OPCML: variants seen among roughly 807,000 people sequenced by gnomAD.
OPCML encodes opioid binding protein/cell adhesion molecule like, also known as opioid-binding protein/cell adhesion molecule.
OPCML carries 13 observed loss-of-function variants against 37.8 expected under a neutral mutation model. That is an observed-to-expected ratio of 0.34 (90% CI 0.22 to 0.55). OPCML has a LOEUF of 0.55. OPCML is among the 20% of genes least tolerant of loss of function. OPCML has a pLI of 0.91. For synonymous variants in OPCML, 176 were observed against 168.8 expected (o/e 1.04, Z -0.33); for missense variants, 341 against 435.6 (o/e 0.78, Z 1.93).
intron 1 of OPCML, among the ~76,000 whole-genome samples, chr11:133,451,697 G>C (rs140935784): frequency 2.0e-5 from 3 of 151,338 alleles, no homozygotes; most frequent in Non-Finnish European, 4.4e-5. Context: ...ACAAAAATTC[G>C]CTGGGTGTGG....
intron 4 of OPCML, among the ~76,000 whole-genome samples, chr11:132,497,350 C>G (rs1361626785): frequency 6.9e-6 from 1 of 145,140 alleles, no homozygotes; most frequent in Non-Finnish European, 1.5e-5. Context: ...CCATGGCACA[C>G]ATTTACCTAT....
chr11:133,467,143 G>T (rs1465313624), intron 1 of OPCML, among the ~76,000 whole-genome samples: 2 of 152,172 alleles, frequency 1.3e-5, no homozygotes, highest in African/African-American at 4.8e-5. Context: ...GGCATTCCCA[G>T]TGCCCCCCTA....
At chr11:133,156,010 A>AC (rs1950057427) in intron 1 of OPCML, among the ~76,000 whole-genome samples, 1 of 152,180 alleles carries the variant, frequency 6.6e-6, no homozygotes, top group Non-Finnish European at 1.5e-5. Flanking sequence ...ATCGGAGAGC[A>AC]AGACACTCTG....
intron 1 of OPCML, among the ~76,000 whole-genome samples, chr11:133,116,478 C>T (rs7119415): frequency 0.13 from 19,404 of 152,060 alleles, 1,355 homozygotes; most frequent in East Asian, 0.22. Flanking sequence ...TGCAACCTTC[C>T]TCCAGCTTTC....
chr11:133,464,216 C>T (rs1946924939), intron 1 of OPCML, among the ~76,000 whole-genome samples: 1 of 152,200 alleles, frequency 6.6e-6, no homozygotes, highest in Non-Finnish European at 1.5e-5. Context: ...AAAACTCCAA[C>T]ATTTAAAGTA....
intron 2 of OPCML, among the ~76,000 whole-genome samples, chr11:132,862,291 CA>C: frequency 6.6e-6 from 1 of 152,230 alleles, no homozygotes; most frequent in Middle Eastern, 3.4e-3. Flanking sequence ...ATCTGCACTG[CA>C]GATGGGAACC....
At chr11:132,539,076 C>T (rs575846019) in intron 3 of OPCML, among the ~76,000 whole-genome samples, 6 of 152,294 alleles carry the variant, frequency 3.9e-5, no homozygotes, top group East Asian at 3.9e-4. Flanking sequence ...ATGAGCCAGA[C>T]GTTACATTGG....
intron 1 of OPCML, among the ~76,000 whole-genome samples, chr11:133,311,445 A>G (rs919662317): frequency 6.6e-6 from 1 of 152,214 alleles, no homozygotes. Context: ...CTGCATCATT[A>G]GTGGTGAGGT....
At chr11:132,514,275 T>C (rs1243627876) in intron 4 of OPCML, among the ~76,000 whole-genome samples, 3 of 152,130 alleles carry the variant, frequency 2.0e-5, no homozygotes, top group Non-Finnish European at 4.4e-5. Context: ...AGTCAAAGCA[T>C]GCAAAAAATC....
chr11:133,201,980 C>T (rs1016019657), intron 1 of OPCML, among the ~76,000 whole-genome samples: 2 of 152,150 alleles, frequency 1.3e-5, no homozygotes, highest in East Asian at 3.9e-4. Flanking sequence ...TTAGCTGTCA[C>T]CAAACAAAGC....
intron 1 of OPCML, among the ~76,000 whole-genome samples, chr11:133,384,247 C>CAAAAAAAAAAAAAAAAAAAAAAAAAA (rs1186998875): frequency 1.4e-5 from 1 of 71,246 alleles, no homozygotes; most frequent in African/African-American, 4.6e-5. Context: ...GGCCACTGTG[C>CAAAAAAAAAAAAAAAAAAAAAAAAAA]AAAAAAAAAA....
chr11:132,434,444 C>T (rs1172880468), intron 7 of OPCML, among the ~76,000 whole-genome samples: 2 of 152,118 alleles, frequency 1.3e-5, no homozygotes, highest in Non-Finnish European at 1.5e-5. Flanking sequence ...TGAGTGCATG[C>T]ATGTGTGTGC....
chr11:132,671,776 C>T (rs114981990), intron 2 of OPCML, among the ~76,000 whole-genome samples: 40 of 150,966 alleles, frequency 2.6e-4, no homozygotes, highest in African/African-American at 9.3e-4. Context: ...GTCGAGTTTC[C>T]TTATCATGGA....
At chr11:133,498,237 T>G (rs889166604) in intron 1 of OPCML, among the ~76,000 whole-genome samples, 2 of 152,190 alleles carry the variant, frequency 1.3e-5, no homozygotes. Flanking sequence ...GGAGCACCTC[T>G]CCTGGCTTCC....
chr11:133,301,167 T>A (rs1942767236), intron 1 of OPCML: 1 of 152,166 alleles, frequency 6.6e-6, no homozygotes, highest in Non-Finnish European at 1.5e-5. Flanking sequence ...TCAAAACAGT[T>A]CTAGTTTGGT....
At chr11:132,436,614 C>G (rs117621063) in intron 6 of OPCML, 45 bp downstream of exon 6, 3 of 1,606,488 alleles carry the variant, frequency 1.9e-6, no homozygotes, top group Non-Finnish European at 2.6e-6. Context: ...GGGGATAGAC[C>G]ATCAGCTCTG....
chr11:133,322,044 C>T (rs1005553343), intron 1 of OPCML, among the ~76,000 whole-genome samples: 5 of 152,102 alleles, frequency 3.3e-5, no homozygotes, highest in Non-Finnish European at 5.9e-5. Context: ...ATGCCATCAA[C>T]TTTCAATTAT....
At chr11:132,968,264 A>T (rs1946258210) in intron 1 of OPCML, among the ~76,000 whole-genome samples, 2 of 152,176 alleles carry the variant, frequency 1.3e-5, no homozygotes, top group Admixed American at 1.3e-4. Context: ...GCTATAATGA[A>T]ATATTTAAAA....
intron 2 of OPCML, among the ~76,000 whole-genome samples, chr11:132,898,481 G>T (rs943473353): frequency 6.6e-6 from 1 of 152,110 alleles, no homozygotes; most frequent in Non-Finnish European, 1.5e-5. Context: ...CTTACCATGC[G>T]TCCCACCATT....
Sources: gnomAD v4.1 joint callset for allele counts (sites outside exome capture counted in the v4.1 genomes callset) on GRCh38, gnomAD v4.1.1 for gene constraint, MANE v1.5 for transcripts, NCBI Gene and HGNC (gene_info 2026-07-23, HGNC 2026-07-21) for gene names.